Variants in RELN observed in about 807,000 individuals in gnomAD.
The protein encoded by RELN is reelin.
RELN carries 108 observed loss-of-function variants against 427.6 expected under a neutral mutation model. That is an observed-to-expected ratio of 0.25 (90% confidence interval 0.22 to 0.30). The LOEUF is 0.30. Among genes scored for constraint, RELN ranks in the 10% least tolerant of loss-of-function variants. RELN has a pLI of 1.00. For synonymous variants in RELN, 1,524 were observed against 1,513.4 expected, an observed-to-expected ratio of 1.01 and a Z score of -0.16; for missense variants, 3,715 against 4,302.8, an observed-to-expected ratio of 0.86 and a Z score of 3.82.
Position 103,626,504 on chromosome 7 carries a change from C to A in RELN, c.2702+3436G>T, listed in dbSNP as rs1242776995. On this transcript the variant is annotated intron_variant, in intron 20 of 64. Coordinates refer to ENST00000428762, the MANE Select transcript of RELN (RefSeq NM_005045.4). This position sits in a 1 kb window ranked among gnomAD's most constrained non-coding sequence, Gnocchi z 4.4. ...TAGCTGGGATTACAGGCATGTGTCA[C>A]CACGCTCGGCTAGTTTGTGTATTTT... 1.3e-5 allele frequency among the ~76,000 whole-genome samples: 2 copies of A among 152,172 alleles called. No individual in the cohort carries two copies. Among genetic ancestry groups the A allele is most frequent in the East Asian group, 1.9e-4 (1 of 5,176 alleles).
At chr7:103,725,916 C>T (rs1216066146) in intron 7 of RELN, among the ~76,000 whole-genome samples, 2 of 152,266 alleles carry the variant, frequency 1.3e-5, no homozygotes, top group East Asian at 3.9e-4. Context: ...AATGGAGATC[C>T]TCCTTTTAGC....
At chr7:103,795,845 A>G (rs1792285889) in intron 3 of RELN, among the ~76,000 whole-genome samples, 1 of 152,226 alleles carries the variant, frequency 6.6e-6, no homozygotes, top group Non-Finnish European at 1.5e-5. Context: ...AACAAGGAAT[A>G]CCATTTTGAC....
chr7:103,542,973 T>G, intron 42 of RELN, 95 bp from the exon 43 acceptor site: 1 of 1,173,106 alleles, frequency 8.5e-7, no homozygotes, highest in Non-Finnish European at 1.2e-6. Flanking sequence ...ATTATGTAGT[T>G]TCAAAATATG....
intron 16 of RELN, among the ~76,000 whole-genome samples, chr7:103,642,349 G>GTTTTTTT (rs201250403): frequency 8.9e-6 from 1 of 112,736 alleles, no homozygotes; most frequent in East Asian, 2.5e-4. Context: ...ATTTCATAGT[G>GTTTTTTT]TTTTTTTTTT....
At chr7:103,651,891 A>G (rs1443805307) in intron 14 of RELN, 102 bp from the exon 15 acceptor site, 1 of 1,243,070 alleles carries the variant, frequency 8.0e-7, no homozygotes, top group African/African-American at 1.5e-5. Flanking sequence ...CAACTGTAAA[A>G]ACAGTGTAAA....
intron 19 of RELN, among the ~76,000 whole-genome samples, chr7:103,633,083 T>A (rs1254314402): frequency 1.3e-5 from 2 of 152,156 alleles, no homozygotes; most frequent in Non-Finnish European, 2.9e-5. Context: ...TAAATTTTTA[T>A]TAATAACAAG....
At chr7:103,685,428 C>T (rs1238204366) in intron 10 of RELN, among the ~76,000 whole-genome samples, 1 of 152,050 alleles carries the variant, frequency 6.6e-6, no homozygotes, top group Non-Finnish European at 1.5e-5. Flanking sequence ...TCATGAAAAT[C>T]TACTAGGTTT....
At chr7:103,648,887 T>C (rs1461596262) in intron 16 of RELN, among the ~76,000 whole-genome samples, 1 of 151,982 alleles carries the variant, frequency 6.6e-6, no homozygotes, top group African/African-American at 2.4e-5. Context: ...CACAATGAGA[T>C]ACCATCTTAC....
intron 2 of RELN, among the ~76,000 whole-genome samples, chr7:103,877,755 G>A (rs1000982351): frequency 6.6e-6 from 1 of 151,398 alleles, no homozygotes; most frequent in Non-Finnish European, 1.5e-5. Context: ...ACTCCTTCCA[G>A]TTATTCAAAC....
In RELN at chr7:103,755,616, AAT is replaced by A. The variant is rs1190066153; in HGVS notation, c.545-2404_545-2403del. On this transcript the variant is annotated intron_variant, in intron 4 of 64. Transcript: ENST00000428762. ...GAGCGAGACTCTGTCTCAAAAAAAA[AAT>A]AAAAAAAATAAAATAAATAAAATAA... 8.3e-3 allele frequency among the ~76,000 whole-genome samples: 656 copies of A among 79,426 alleles called. 12 individuals carry two copies. Among genetic ancestry groups the A allele is most frequent in the African/African-American group, 0.019 (345 of 18,172 alleles). The allele number at this position is 79,426 out of a possible 152,430, so 52.1% of individuals were successfully genotyped here. A position where few individuals can be genotyped will look rare whatever the true frequency, so the allele number is the denominator to read the frequency against.
At chr7:103,637,675 T>G (rs1368166052) in intron 17 of RELN, among the ~76,000 whole-genome samples, 1 of 152,156 alleles carries the variant, frequency 6.6e-6, no homozygotes, top group African/African-American at 2.4e-5. Flanking sequence ...AAGCCAATAT[T>G]TACTGGATGA....
intron 6 of RELN, among the ~76,000 whole-genome samples, chr7:103,733,788 T>G (rs1457382784): frequency 3.5e-5 from 5 of 143,634 alleles, no homozygotes; most frequent in Admixed American, 7.1e-5. Context: ...TGGGGACTGT[T>G]GTGGGGTGGG....
At chr7:103,584,370 A>T (rs1233476017) in intron 28 of RELN, among the ~76,000 whole-genome samples, 1 of 152,230 alleles carries the variant, frequency 6.6e-6, no homozygotes, top group African/African-American at 2.4e-5. Flanking sequence ...GGGTGGAAAA[A>T]GATATACCAC....
At chr7:103,951,635 T>C (rs1796332805) in intron 1 of RELN, among the ~76,000 whole-genome samples, 1 of 152,134 alleles carries the variant, frequency 6.6e-6, no homozygotes, top group Admixed American at 6.5e-5. Flanking sequence ...ATTTTCACTA[T>C]GTCTTTTGTG....
intron 6 of RELN, among the ~76,000 whole-genome samples, chr7:103,747,507 C>T (rs1186754523): frequency 6.6e-6 from 1 of 152,094 alleles, no homozygotes; most frequent in African/African-American, 2.4e-5. Flanking sequence ...TTTTGCTTTT[C>T]TCATGGTATC....
chr7:103,652,900 G>T, intron 13 of RELN, 141 bp from the exon 14 acceptor site: 1 of 748,272 alleles, frequency 1.3e-6, no homozygotes. Flanking sequence ...TGTTGCATTT[G>T]TTATTTCATG....
At chr7:103,625,455 A>G (rs1400857604) in intron 20 of RELN, among the ~76,000 whole-genome samples, 1 of 152,202 alleles carries the variant, frequency 6.6e-6, no homozygotes, top group African/African-American at 2.4e-5. Flanking sequence ...TGCTCAGGCA[A>G]AATAACGTCT....
At chr7:103,759,427 A>T (rs564251092) in intron 4 of RELN, among the ~76,000 whole-genome samples, 2 of 152,264 alleles carry the variant, frequency 1.3e-5, no homozygotes, top group East Asian at 3.9e-4. Context: ...TGGTCTCTTT[A>T]AACAAGGTTA....
At chr7:103,770,121 A>G (rs1791528120) in intron 4 of RELN, among the ~76,000 whole-genome samples, 1 of 152,084 alleles carries the variant, frequency 6.6e-6, no homozygotes, top group South Asian at 2.1e-4. Flanking sequence ...GTCTCACTCT[A>G]TCGCCTAGGC....
Sources: allele counts gnomAD v4.1 joint callset (sites outside exome capture counted in the v4.1 genomes callset), GRCh38; gene constraint gnomAD v4.1.1; non-coding constraint Gnocchi (gnomAD v3.1); transcripts MANE v1.5; gene names NCBI Gene and HGNC (gene_info 2026-07-23, HGNC 2026-07-21).